NINL: variants seen among roughly 807,000 people sequenced by gnomAD.
The protein encoded by NINL is ninein-like protein.
A neutral mutation model predicts 160.3 loss-of-function variants in NINL; 153 were observed. The ratio of observed to expected loss-of-function variants is 0.95; its 90% CI spans 0.84 to 1.09. The LOEUF (loss-of-function observed/expected upper bound fraction) is 1.09, where lower values mean the gene tolerates loss of function less well. Among genes scored for constraint, NINL ranks in the 50% least tolerant of loss-of-function variants. The probability of loss-of-function intolerance (pLI) is 0.00; values close to 1 mark genes in which losing one functional copy is unlikely to be tolerated. For missense variants in NINL, 1,829 were observed against 1,764.0 expected, an observed-to-expected ratio of 1.04 and a Z score of -0.66; for synonymous variants, 800 against 734.8, an observed-to-expected ratio of 1.09 and a Z score of -1.43.
rs1037780090 is a variant in NINL, at chr20:25,461,577, C to G, written c.3641G>C (p.Ser1214Thr). The G allele has an allele frequency of 8.1e-6, 13 of 1,608,818 alleles. No individual in the cohort carries two copies. Among genetic ancestry groups the G allele is most frequent in the Non-Finnish European group, 1.1e-5 (13 of 1,178,350 alleles). ...CAGCTCTGACCATGGCAGCTGCAGG[C>G]TCTGATGTTCCTGATTCAGGCATTC... ...ELECLNQEHQ[S>T]LQLPWSELTQ... Residue 1214 changes from serine to threonine, a missense_variant, in exon 21 of 24, where the codon AGC becomes ACC. Ser to Thr is a moderately conservative substitution (Grantham distance 58). Coordinates refer to ENST00000278886, the MANE Select transcript of NINL (RefSeq NM_025176.6).
chr20:25,497,965 A>G (rs999029065), intron 9 of NINL, among the ~76,000 whole-genome samples: 3 of 152,244 alleles, frequency 2.0e-5, no homozygotes, highest in African/African-American at 7.2e-5. Context: ...CCCAGCCCAG[A>G]AACACGGATG....
Position 25,486,275 on chromosome 20 carries a change from T to G in NINL, c.1677+2969A>C, listed in dbSNP as rs141578871. ...ATCCAAAAAAAGGAAAGGGGAAATA[T>G]CTGAATAAATAGGTTAGCATTTAAA... On this transcript the variant is annotated intron_variant, in intron 13 of 23. Coordinates refer to ENST00000278886, the MANE Select transcript of NINL (RefSeq NM_025176.6). Among the ~76,000 whole-genome samples, 549 of 152,312 alleles carry G rather than the reference T, an allele frequency of 3.6e-3. 1 individual carries two copies. Among genetic ancestry groups the G allele is most frequent in the African/African-American group, 0.013 (528 of 41,562 alleles).
chr20:25,512,073 GCCATCTCCTGGGC>G (rs943194003), intron 4 of NINL, among the ~76,000 whole-genome samples: 4 of 152,176 alleles, frequency 2.6e-5, no homozygotes, highest in African/African-American at 7.2e-5. Flanking sequence ...GACTCTGGCA[GCCATCTCCTGGGC>G]CCATCCCCCT....
At chr20:25,552,210 AT>A (rs146105968) in intron 1 of NINL, among the ~76,000 whole-genome samples, 2,068 of 149,498 alleles carry the variant, frequency 0.014, 36 homozygotes, top group African/African-American at 0.042. Flanking sequence ...GCCTTTTATC[AT>A]TTTTTTTTTC....
intron 13 of NINL, among the ~76,000 whole-genome samples, chr20:25,488,635 C>T (rs939389440): frequency 2.6e-5 from 4 of 151,942 alleles, no homozygotes; most frequent in Admixed American, 1.3e-4. Context: ...CTCTGTTTGG[C>T]CAGCCAGTGA....
intron 14 of NINL, chr20:25,481,710 G>C: frequency 1.9e-6 from 1 of 521,688 alleles, no homozygotes; most frequent in Non-Finnish European, 3.4e-6. Flanking sequence ...TCTGAGATGT[G>C]GGAACAGCCT....
intron 1 of NINL, among the ~76,000 whole-genome samples, chr20:25,584,827 G>A (rs375138158): frequency 1.3e-4 from 20 of 152,364 alleles, no homozygotes; most frequent in African/African-American, 4.8e-4. Flanking sequence ...AACCCAACGC[G>A]ATCAGAGACT....
At chr20:25,497,065 C>T (rs1021223435) in intron 9 of NINL, among the ~76,000 whole-genome samples, 2 of 152,244 alleles carry the variant, frequency 1.3e-5, no homozygotes, top group African/African-American at 4.8e-5. Flanking sequence ...AAGACTGAGC[C>T]TGGAGTCCCA....
rs2090662093 is a variant in NINL at position 25,455,919 on chromosome 20, C to T, written c.3844-133G>A. ...ACCAACCTGGCCAACATGGTGAAAC[C>T]CCATCTCTACTAAAAAAAATAGAAA... is the stretch of plus-strand genomic sequence containing the variant. On this transcript the variant is annotated intron_variant, in intron 22 of 23. Transcript: ENST00000278886. 6.0e-6 allele frequency: 4 copies of T among 669,896 alleles called. No homozygotes were observed. In the East Asian group the frequency reaches 8.0e-5, roughly 13 times the overall value. The allele number at this position is 669,896 out of a possible 1,614,324, so 41.5% of individuals were successfully genotyped here. A position where few individuals can be genotyped will look rare whatever the true frequency, so the allele number is the denominator to read the frequency against.
chr20:25,516,898 C>T (rs1469717186), intron 3 of NINL, among the ~76,000 whole-genome samples: 3 of 152,128 alleles, frequency 2.0e-5, no homozygotes, highest in Non-Finnish European at 4.4e-5. Context: ...AGCTGGAGAA[C>T]CGGGACCCAA....
chr20:25,570,376 G>T (rs2065039884), intron 1 of NINL, among the ~76,000 whole-genome samples: 1 of 152,142 alleles, frequency 6.6e-6, no homozygotes, highest in Admixed American at 6.5e-5. Context: ...TGTCAGGATA[G>T]TGAGTTCTCA....
chr20:25,482,049 C>A lies in NINL; in HGVS notation c.1729G>T (p.Ala577Ser), dbSNP rs929853725. 1.3e-6 allele frequency: 2 copies of A among 1,598,258 alleles called. No homozygotes were observed. Among genetic ancestry groups the A allele is most frequent in the Admixed American group, 1.7e-5 (1 of 59,990 alleles). Residue 577 changes from alanine (A) to serine (S), a missense_variant, in exon 14 of 24, where the codon GCG (alanine) becomes TCG (serine). Coordinates refer to ENST00000278886, the MANE Select transcript of NINL (RefSeq NM_025176.6). ...CTGTGCCGGTTCTTGGGCAGCCGCG[C>A]CCACAGGCCTTCCAGCTCAGCTTGC... ...ELQAELEGLW[A>S]RLPKNRHSPS...
intron 7 of NINL, 36 bp downstream of exon 7, chr20:25,503,916 G>C: frequency 6.2e-7 from 1 of 1,613,204 alleles, no homozygotes; most frequent in Non-Finnish European, 8.5e-7. Context: ...TGACAGCAGT[G>C]GTTGCTGGGT....
At chr20:25,466,754 C>T (rs380021) in intron 19 of NINL, among the ~76,000 whole-genome samples, 4,112 of 151,986 alleles carry the variant, frequency 0.027, 179 homozygotes, top group African/African-American at 0.09. Flanking sequence ...GAGCCAAGAT[C>T]GCACCACTGC....
At chr20:25,582,174 G>A (rs951417549) in intron 1 of NINL, among the ~76,000 whole-genome samples, 2 of 152,018 alleles carry the variant, frequency 1.3e-5, no homozygotes, top group African/African-American at 4.8e-5. Flanking sequence ...GGAATCACTT[G>A]AACCTGGGAG....
At chr20:25,464,341 C>T (rs989852098) in intron 19 of NINL, among the ~76,000 whole-genome samples, 3 of 152,086 alleles carry the variant, frequency 2.0e-5, no homozygotes, top group African/African-American at 4.8e-5. Context: ...CGATTGAACC[C>T]GGGAGGCAGA....
chr20:25,484,524 G>A (rs1398188536), intron 13 of NINL, among the ~76,000 whole-genome samples: 2 of 152,212 alleles, frequency 1.3e-5, no homozygotes, highest in Non-Finnish European at 2.9e-5. Flanking sequence ...GGGGCATGCC[G>A]CGGCACAGCA....
At chr20:25,561,200 C>A (rs934469405) in intron 1 of NINL, among the ~76,000 whole-genome samples, 1 of 152,206 alleles carries the variant, frequency 6.6e-6, no homozygotes, top group Non-Finnish European at 1.5e-5. Flanking sequence ...CCACGCCTGA[C>A]GGGTTTTCCT....
intron 13 of NINL, among the ~76,000 whole-genome samples, chr20:25,482,899 C>T (rs1393299264): frequency 1.3e-5 from 2 of 151,650 alleles, no homozygotes; most frequent in African/African-American, 4.9e-5. Context: ...TGGCATGCGC[C>T]TGTAATCTCA....
Sources: gnomAD v4.1 joint callset for allele counts (sites outside exome capture counted in the v4.1 genomes callset) on GRCh38, gnomAD v4.1.1 for gene constraint, MANE v1.5 for transcripts, NCBI Gene and HGNC (gene_info 2026-07-23, HGNC 2026-07-21) for gene names.